MRPS6: variants seen among roughly 807,000 people sequenced by gnomAD.
The protein encoded by MRPS6 is small ribosomal subunit protein bS6m.
Under a neutral mutation model 13.1 loss-of-function variants are expected in MRPS6, and 6 were observed. The ratio of observed to expected loss-of-function variants is 0.46; its 90% CI spans 0.25 to 0.91. The LOEUF (loss-of-function observed/expected upper bound fraction) is 0.91. Ranked by LOEUF, MRPS6 falls within the 40% of genes least tolerant of loss-of-function variation. The pLI, the probability that MRPS6 is intolerant of heterozygous loss-of-function variation, is 0.18. For missense variants in MRPS6, 164 were observed against 155.6 expected (o/e 1.05, Z -0.29); for synonymous variants, 61 against 56.5 (o/e 1.08, Z -0.36).
chr21:34,142,737 A>G lies in MRPS6; in HGVS notation c.*137A>G. 9.2e-7 allele frequency: 1 copy of G among 1,084,854 alleles called. No homozygotes were observed. Among genetic ancestry groups the G allele is most frequent in the Non-Finnish European group, 1.2e-6 (1 of 805,564 alleles). The allele number at this position is 1,084,854 out of a possible 1,614,324, so 67.2% of individuals were successfully genotyped here. ...TGTTTGATTTTTCTAAGGTATTTTT[A>G]GCCCTTGATCCCCTTTGCTTGCGAG... On this transcript the variant is annotated 3_prime_UTR_variant, in exon 3 of 3. Coordinates refer to ENST00000399312, the MANE Select transcript of MRPS6 (RefSeq NM_032476.4).
chr21:34,097,300 G>A (rs1473394243), intron 1 of MRPS6: 1 of 1,611,578 alleles, frequency 6.2e-7, no homozygotes, highest in Non-Finnish European at 8.5e-7. Flanking sequence ...CTAAATATTG[G>A]ACTTTTTGCT....
intron 1 of MRPS6, among the ~76,000 whole-genome samples, chr21:34,092,787 C>G (rs1414390997): frequency 6.6e-6 from 1 of 152,082 alleles, no homozygotes; most frequent in Non-Finnish European, 1.5e-5. Context: ...CCAGATGAAA[C>G]CAGAAATACC....
chr21:34,119,362 G>C (rs1980042098), intron 1 of MRPS6, among the ~76,000 whole-genome samples: 1 of 152,222 alleles, frequency 6.6e-6, no homozygotes, highest in Non-Finnish European at 1.5e-5. Context: ...ATTGCTGTGA[G>C]AATGTCAATG....
chr21:34,094,849 C>T (rs10854370), intron 1 of MRPS6: 197,302 of 197,302 alleles, frequency 1, 98,651 homozygotes, highest in Non-Finnish European at 1. Flanking sequence ...TCTTTTGTCT[C>T]TGCTGCCTTG....
chr21:34,098,965 CT>C (rs1979103843), intron 1 of MRPS6: 10 of 986,436 alleles, frequency 1.0e-5, no homozygotes, highest in Non-Finnish European at 1.2e-5. Flanking sequence ...TTCATAAATA[CT>C]TTTGTAGATT....
chr21:34,125,794 C>T (rs1980284526), intron 2 of MRPS6, among the ~76,000 whole-genome samples: 1 of 152,176 alleles, frequency 6.6e-6, no homozygotes, highest in South Asian at 2.1e-4. Flanking sequence ...CTTTAAAATA[C>T]CTTAGTGAAC....
intron 2 of MRPS6, among the ~76,000 whole-genome samples, chr21:34,142,052 T>C (rs1260785686): frequency 6.6e-6 from 1 of 152,158 alleles, no homozygotes. Flanking sequence ...CATTAATGAA[T>C]AGTTTGGAAA....
At chr21:34,134,361 G>A (rs570275007) in intron 2 of MRPS6, among the ~76,000 whole-genome samples, 53 of 152,234 alleles carry the variant, frequency 3.5e-4, no homozygotes, top group African/African-American at 1.2e-3. Context: ...CGTTTGTACC[G>A]TTTTTATTTC....
intron 1 of MRPS6, among the ~76,000 whole-genome samples, chr21:34,106,688 C>G (rs1979489638): frequency 1.3e-5 from 2 of 152,152 alleles, no homozygotes; most frequent in South Asian, 4.1e-4. Flanking sequence ...CATTGTTCCC[C>G]TTTACTCCCT....
chr21:34,086,286 C>T (rs1450790865), intron 1 of MRPS6, among the ~76,000 whole-genome samples: 2 of 152,206 alleles, frequency 1.3e-5, no homozygotes, highest in Middle Eastern at 3.4e-3. Flanking sequence ...GGACACATGT[C>T]TGCATTTTAG....
intron 1 of MRPS6, among the ~76,000 whole-genome samples, chr21:34,074,150 C>A: frequency 6.7e-6 from 1 of 149,190 alleles, no homozygotes; most frequent in Non-Finnish European, 1.5e-5. Context: ...GAAGCTGCCT[C>A]GTCGCCGGCC....
intron 2 of MRPS6, among the ~76,000 whole-genome samples, chr21:34,134,285 G>A (rs897204237): frequency 1.3e-5 from 2 of 152,228 alleles, no homozygotes; most frequent in African/African-American, 4.8e-5. Context: ...GTGAGCCCAA[G>A]TGGCAGTCTT....
At chr21:34,094,705 T>C (rs1437876983) in intron 1 of MRPS6, among the ~76,000 whole-genome samples, 1 of 151,524 alleles carries the variant, frequency 6.6e-6, no homozygotes, top group East Asian at 1.9e-4. Flanking sequence ...ATCATATAGA[T>C]TGCTCTTTCC....
At chr21:34,088,865 G>T (rs922783643) in intron 1 of MRPS6, among the ~76,000 whole-genome samples, 3 of 150,918 alleles carry the variant, frequency 2.0e-5, no homozygotes, top group African/African-American at 7.3e-5. Flanking sequence ...TTAGGTTAGT[G>T]TAAGATTTTT....
chr21:34,100,863 C>T (rs1034299759), intron 1 of MRPS6: 18 of 999,932 alleles, frequency 1.8e-5, no homozygotes, highest in African/African-American at 1.2e-4. Flanking sequence ...CCAAATAAAG[C>T]GGCTTATTAG....
At chr21:34,116,014 C>G (rs962781864) in intron 1 of MRPS6, among the ~76,000 whole-genome samples, 4 of 151,132 alleles carry the variant, frequency 2.6e-5, no homozygotes, top group African/African-American at 9.7e-5. Context: ...AGGATCATAC[C>G]CCATCCCAAC....
chr21:34,135,887 GC>G (rs1185446140), intron 2 of MRPS6: 2 of 519,388 alleles, frequency 3.9e-6, no homozygotes, highest in Non-Finnish European at 7.2e-6. Context: ...GCAGCATAAG[GC>G]CCTGCATTGT....
At chr21:34,084,954 C>T (rs989768284) in intron 1 of MRPS6, among the ~76,000 whole-genome samples, 1 of 152,124 alleles carries the variant, frequency 6.6e-6, no homozygotes, top group African/African-American at 2.4e-5. Flanking sequence ...TTGAGAGTTG[C>T]AGACATCTTG....
intron 1 of MRPS6, among the ~76,000 whole-genome samples, chr21:34,091,653 G>T (rs548443047): frequency 3.9e-5 from 6 of 152,140 alleles, no homozygotes; most frequent in Admixed American, 3.3e-4. Flanking sequence ...ATCCAGATGC[G>T]TGGAATAGAA....
Sources: allele counts gnomAD v4.1 joint callset (sites outside exome capture counted in the v4.1 genomes callset), GRCh38; gene constraint gnomAD v4.1.1; transcripts MANE v1.5; gene names NCBI Gene and HGNC (gene_info 2026-07-23, HGNC 2026-07-21).